Variants in NEGR1 observed in about 807,000 individuals in gnomAD.
NEGR1 encodes the protein IgLON family member 4.
In NEGR1, 10 loss-of-function variants were observed where a neutral mutation model predicts 40.9. That is an observed-to-expected ratio of 0.24 (90% CI 0.15 to 0.42). NEGR1 has a LOEUF of 0.42. Ranked by LOEUF, NEGR1 falls within the 10% of genes least tolerant of loss-of-function variation. The pLI, the probability that NEGR1 is intolerant of heterozygous loss-of-function variation, is 1.00. For synonymous variants in NEGR1, 185 were observed against 166.8 expected, an observed-to-expected ratio of 1.11 and a Z score of -0.84; for missense variants, 352 against 438.9, an observed-to-expected ratio of 0.80 and a Z score of 1.77.
intron 4 of NEGR1, among the ~76,000 whole-genome samples, chr1:71,648,026 GT>G (rs1164420618): frequency 6.6e-6 from 1 of 152,010 alleles, no homozygotes; most frequent in Non-Finnish European, 1.5e-5. Flanking sequence ...TTCAATTCCA[GT>G]GAAACATAAT....
At chr1:71,445,310 A>T (rs56400944) in intron 6 of NEGR1, among the ~76,000 whole-genome samples, 2,585 of 144,572 alleles carry the variant, frequency 0.018, 65 homozygotes, top group African/African-American at 0.064. Context: ...TTTTTTTTTT[A>T]AAAAAAAAAT....
rs35930342 is a variant in NEGR1 at position 71,839,158 on chromosome 1, G to GA, written c.410-62862dup. On this transcript the variant is annotated intron_variant, in intron 2 of 6. Coordinates refer to ENST00000357731, the MANE Select transcript of NEGR1 (RefSeq NM_173808.3). ...ATGAAGAATCCTTGAAGATAATTGA[G>GA]AAAAAAAAAAAAAGTACAGCTGGCT... Among the ~76,000 whole-genome samples, 372 of 80,866 alleles carry GA rather than the reference G, an allele frequency of 4.6e-3. 5 individuals carry two copies. Among genetic ancestry groups the GA allele is most frequent in the Admixed American group, 4.7e-3 (35 of 7,520 alleles). The allele number at this position is 80,866 out of a possible 152,430, so 53.1% of individuals were successfully genotyped here.
At chr1:71,856,457 T>A (rs1659769761) in intron 2 of NEGR1, among the ~76,000 whole-genome samples, 1 of 152,130 alleles carries the variant, frequency 6.6e-6, no homozygotes. Flanking sequence ...ACATGTGTTC[T>A]CTATTGTGTG....
intron 2 of NEGR1, among the ~76,000 whole-genome samples, chr1:71,878,746 C>T (rs1418493697): frequency 6.6e-6 from 1 of 152,054 alleles, no homozygotes; most frequent in Non-Finnish European, 1.5e-5. Flanking sequence ...TGTTATGCAC[C>T]TATGTGTCAT....
intron 6 of NEGR1, among the ~76,000 whole-genome samples, chr1:71,470,576 G>GT (rs1384065876): frequency 6.6e-6 from 1 of 152,090 alleles, no homozygotes; most frequent in African/African-American, 2.4e-5. Context: ...TACAGAGAGA[G>GT]TTTTTGAGAG....
At chr1:71,554,444 C>T (rs1320613215) in intron 6 of NEGR1, among the ~76,000 whole-genome samples, 1 of 151,254 alleles carries the variant, frequency 6.6e-6, no homozygotes, top group Admixed American at 6.6e-5. Context: ...GCTACCTGTT[C>T]GGCCTGGGTG....
At chr1:71,974,102 C>A (rs1183416708) in intron 1 of NEGR1, among the ~76,000 whole-genome samples, 1 of 152,142 alleles carries the variant, frequency 6.6e-6, no homozygotes, top group Non-Finnish European at 1.5e-5. Context: ...TTTATCTTCT[C>A]ACTGCAGATA....
chr1:72,017,490 T>C (rs973337941), intron 1 of NEGR1, among the ~76,000 whole-genome samples: 1 of 151,956 alleles, frequency 6.6e-6, no homozygotes. Flanking sequence ...ATTTGTTGAG[T>C]GAATGGATAA....
intron 4 of NEGR1, among the ~76,000 whole-genome samples, chr1:71,651,707 A>G (rs1163187387): frequency 6.6e-6 from 1 of 152,114 alleles, no homozygotes; most frequent in South Asian, 2.1e-4. Context: ...TCACTTATGA[A>G]TGTATATATC....
At chr1:72,062,996 G>T (rs913363109) in intron 1 of NEGR1, among the ~76,000 whole-genome samples, 8 of 151,776 alleles carry the variant, frequency 5.3e-5, no homozygotes, top group African/African-American at 1.7e-4. Flanking sequence ...TGGGAGGAAA[G>T]GAAAAGAAGG....
At chr1:71,658,249 C>T (rs1341050690) in intron 4 of NEGR1, among the ~76,000 whole-genome samples, 1 of 152,056 alleles carries the variant, frequency 6.6e-6, no homozygotes, top group Non-Finnish European at 1.5e-5. Context: ...TAGCAATTGC[C>T]ATAAGTTAAG....
At chr1:71,946,420 A>T (rs1184181624) in intron 1 of NEGR1, among the ~76,000 whole-genome samples, 1 of 152,122 alleles carries the variant, frequency 6.6e-6, no homozygotes, top group African/African-American at 2.4e-5. Flanking sequence ...TTGCCAACCT[A>T]TAATTTCTTA....
At chr1:71,824,065 C>T (rs1658530568) in intron 2 of NEGR1, among the ~76,000 whole-genome samples, 1 of 151,866 alleles carries the variant, frequency 6.6e-6, no homozygotes, top group South Asian at 2.1e-4. Context: ...ACTCCTTAAA[C>T]ATAAAATATA....
chr1:71,991,177 A>G (rs1214867569), intron 1 of NEGR1, among the ~76,000 whole-genome samples: 1 of 152,104 alleles, frequency 6.6e-6, no homozygotes, highest in Non-Finnish European at 1.5e-5. Context: ...ATTACTTCCT[A>G]ATTAATTTAT....
At chr1:72,098,194 C>A (rs915643747) in intron 1 of NEGR1, among the ~76,000 whole-genome samples, 4 of 152,076 alleles carry the variant, frequency 2.6e-5, no homozygotes, top group African/African-American at 4.8e-5. Flanking sequence ...CTACCTATGA[C>A]CATGACAAAT....
chr1:71,983,282 G>T (rs1570577644), intron 1 of NEGR1, among the ~76,000 whole-genome samples: 1 of 152,072 alleles, frequency 6.6e-6, no homozygotes, highest in South Asian at 2.1e-4. Context: ...GTCAAATATA[G>T]CATTTTAACT....
chr1:71,533,969 T>C (rs556558842), intron 6 of NEGR1, among the ~76,000 whole-genome samples: 1 of 151,684 alleles, frequency 6.6e-6, no homozygotes, highest in African/African-American at 2.4e-5. Context: ...ACTTAGTTAA[T>C]AAGGAAATTC....
At chr1:72,212,043 C>G (rs540240641) in intron 1 of NEGR1, among the ~76,000 whole-genome samples, 2 of 152,010 alleles carry the variant, frequency 1.3e-5, no homozygotes, top group Admixed American at 1.3e-4. Context: ...ATGCCTACTC[C>G]TAAAGGAATA....
At chr1:71,821,321 G>C (rs1173517406) in intron 2 of NEGR1, among the ~76,000 whole-genome samples, 1 of 151,964 alleles carries the variant, frequency 6.6e-6, no homozygotes, top group Non-Finnish European at 1.5e-5. Context: ...GCATTCCAGA[G>C]GATGTGAAAT....
Sources: allele counts gnomAD v4.1 joint callset (sites outside exome capture counted in the v4.1 genomes callset), GRCh38; gene constraint gnomAD v4.1.1; transcripts MANE v1.5; gene names NCBI Gene and HGNC (gene_info 2026-07-23, HGNC 2026-07-21).